The following ADAM23 variants were observed in gnomAD, a reference collection of about 807,000 sequenced individuals.
The protein encoded by ADAM23 is disintegrin and metalloproteinase domain-containing protein 23.
ADAM23 carries 33 observed loss-of-function variants against 120.1 expected under a neutral mutation model. The ratio of observed to expected loss-of-function variants is 0.27; its 90% CI spans 0.21 to 0.37. ADAM23 has a LOEUF of 0.37. Ranked by LOEUF, ADAM23 falls within the 10% of genes least tolerant of loss-of-function variation. The probability of loss-of-function intolerance (pLI) is 1.00; values close to 1 mark genes in which losing one functional copy is unlikely to be tolerated. For missense variants in ADAM23, 862 were observed against 1,058.2 expected (o/e 0.81, Z 2.57); for synonymous variants, 367 against 375.2 (o/e 0.98, Z 0.25).
intron 18 of ADAM23, among the ~76,000 whole-genome samples, chr2:206,579,705 A>T (rs1276730405): frequency 6.6e-6 from 1 of 152,120 alleles, no homozygotes; most frequent in Non-Finnish European, 1.5e-5. Context: ...TGCTTTGGCT[A>T]TGTGGGCTCT....
chr2:206,450,873 G>A (rs566594945), intron 2 of ADAM23, among the ~76,000 whole-genome samples: 1 of 152,152 alleles, frequency 6.6e-6, no homozygotes, highest in Non-Finnish European at 1.5e-5. Context: ...TGAATCAGGC[G>A]CTGTGCTAGA....
intron 3 of ADAM23, among the ~76,000 whole-genome samples, chr2:206,489,693 G>T (rs1387569152): frequency 1.3e-5 from 2 of 152,134 alleles, no homozygotes; most frequent in African/African-American, 4.8e-5. Context: ...TAACATGCGG[G>T]CTGGCGAGAT....
At chr2:206,613,843 C>T (rs1214614818) in intron 25 of ADAM23, among the ~76,000 whole-genome samples, 2 of 152,176 alleles carry the variant, frequency 1.3e-5, no homozygotes, top group Non-Finnish European at 2.9e-5. Flanking sequence ...TGCTATTTAT[C>T]TGATATTCCC....
At chr2:206,531,175 C>A (rs1024858771) in intron 4 of ADAM23, among the ~76,000 whole-genome samples, 3 of 152,100 alleles carry the variant, frequency 2.0e-5, no homozygotes, top group African/African-American at 7.2e-5. Context: ...CATGCAGTAC[C>A]TTTTGTGATA....
intron 4 of ADAM23, among the ~76,000 whole-genome samples, chr2:206,534,488 T>C (rs1478584740): frequency 6.6e-6 from 1 of 152,100 alleles, no homozygotes; most frequent in Non-Finnish European, 1.5e-5. Flanking sequence ...TATCTTTTTT[T>C]TTTTTGTAGT....
chr2:206,461,397 A>T (rs1217087632), intron 2 of ADAM23, among the ~76,000 whole-genome samples: 1 of 151,990 alleles, frequency 6.6e-6, no homozygotes, highest in Non-Finnish European at 1.5e-5. Flanking sequence ...TGCATATTTT[A>T]TCTCATAAGT....
chr2:206,485,573 AG>A (rs2105881316), intron 3 of ADAM23, among the ~76,000 whole-genome samples: 1 of 151,970 alleles, frequency 6.6e-6, no homozygotes, highest in Admixed American at 6.5e-5. Context: ...GGAGTTCCTG[AG>A]AGGAGAGCCT....
At position 206,596,025 on chromosome 2, in the gene ADAM23, C is replaced by T. The variant is rs559851944; in HGVS notation, c.2248-26C>T. The T allele has an allele frequency of 3.2e-6, 5 of 1,551,012 alleles. No individual in the cohort carries two copies. In the South Asian group the frequency reaches 5.6e-5, roughly 17 times the overall value. ...TATTCTACAAAATACAGTGAAAATG[C>T]CATATCTGTTCCTTTTTCTTCACAG... On this transcript the variant is annotated intron_variant, in intron 23 of 25. Coordinates refer to ENST00000264377, the MANE Select transcript of ADAM23 (RefSeq NM_003812.4).
chr2:206,453,738 A>G lies in ADAM23; in HGVS notation c.432+8214A>G, dbSNP rs146688631. ...AGTTTGAATAAAACTTTTGCTTTCTATAAGTGACATGAGAGGTTCATTCTC... is the reference window on the plus strand; with the variant it reads ...AGTTTGAATAAAACTTTTGCTTTCTGTAAGTGACATGAGAGGTTCATTCTC... On this transcript the variant is annotated intron_variant, in intron 2 of 25. Coordinates refer to ENST00000264377, the MANE Select transcript of ADAM23 (RefSeq NM_003812.4). 2.0e-3 allele frequency among the ~76,000 whole-genome samples: 303 copies of G among 152,382 alleles called. 1 individual carries two copies. Among genetic ancestry groups the G allele is most frequent in the Non-Finnish European group, 3.2e-3 (216 of 68,036 alleles).
chr2:206,563,401 G>T (rs1365833267), intron 13 of ADAM23, among the ~76,000 whole-genome samples: 1 of 152,016 alleles, frequency 6.6e-6, no homozygotes, highest in East Asian at 1.9e-4. Context: ...CCCTTTATGG[G>T]TACATTAAGA....
intron 2 of ADAM23, among the ~76,000 whole-genome samples, chr2:206,466,345 G>A (rs755696114): frequency 2.0e-5 from 3 of 152,138 alleles, no homozygotes; most frequent in Admixed American, 6.5e-5. Flanking sequence ...TTCTTTTTGG[G>A]AAGTTTATAG....
chr2:206,539,198 A>G (rs1574521143), intron 4 of ADAM23, among the ~76,000 whole-genome samples: 2 of 152,204 alleles, frequency 1.3e-5, no homozygotes, highest in East Asian at 3.8e-4. Flanking sequence ...GGTAGGGAGC[A>G]TACTAGGATT....
rs1307481737 is a variant in ADAM23 at position 206,459,080 on chromosome 2, G to T, written c.432+13556G>T. On this transcript the variant is annotated intron_variant, in intron 2 of 25. Coordinates refer to ENST00000264377, the MANE Select transcript of ADAM23 (RefSeq NM_003812.4). The stretch of plus-strand genomic sequence containing the variant: ...GATTCCCCTCTTCTTATAAATTATG[G>T]CTAAAATTATGAGAGTTAGTAAACT... Among the ~76,000 whole-genome samples, 6 of 152,252 alleles carry T rather than the reference G, an allele frequency of 3.9e-5. No homozygotes were observed. The East Asian group carries it at 1.2e-3, about 29-fold the overall frequency.
intron 4 of ADAM23, among the ~76,000 whole-genome samples, chr2:206,538,437 C>T (rs768588079): frequency 3.6e-4 from 55 of 152,120 alleles, no homozygotes; most frequent in Admixed American, 2.9e-3. Flanking sequence ...ATAGAATAAT[C>T]ATTTGAGTAT....
intron 11 of ADAM23, among the ~76,000 whole-genome samples, 192 bp from the exon 12 acceptor site, chr2:206,560,936 A>G (rs1178741425): frequency 2.6e-5 from 4 of 152,210 alleles, no homozygotes; most frequent in South Asian, 4.1e-4. Context: ...TGCTTGCTCA[A>G]TTGAAATTAC....
At chr2:206,609,807 T>G (rs1238008597) in intron 24 of ADAM23, 103 bp from the exon 25 acceptor site, 2 of 895,130 alleles carry the variant, frequency 2.2e-6, no homozygotes, top group African/African-American at 3.6e-5. Context: ...TAGCCGTCTT[T>G]TACACAGGAT....
At chr2:206,541,908 A>C in intron 4 of ADAM23, 144 bp from the exon 5 acceptor site, 1 of 771,246 alleles carries the variant, frequency 1.3e-6, no homozygotes, top group Non-Finnish European at 2.1e-6. Flanking sequence ...TCTTATTTGC[A>C]ACTTTATATA....
At chr2:206,560,227 T>G (rs1404264629) in intron 11 of ADAM23, 109 bp downstream of exon 11, 10 of 1,156,714 alleles carry the variant, frequency 8.6e-6, no homozygotes, top group Non-Finnish European at 1.2e-5. Flanking sequence ...TGAACAAGAT[T>G]TCTGTGGGTT....
chr2:206,449,090 G>A (rs559209164), intron 2 of ADAM23, among the ~76,000 whole-genome samples: 1 of 152,286 alleles, frequency 6.6e-6, no homozygotes, highest in South Asian at 2.1e-4. Flanking sequence ...TTGAATTGGA[G>A]GACATCGAGG....
Sources: allele counts gnomAD v4.1 joint callset (sites outside exome capture counted in the v4.1 genomes callset), GRCh38; gene constraint gnomAD v4.1.1; transcripts MANE v1.5; gene names NCBI Gene and HGNC (gene_info 2026-07-23, HGNC 2026-07-21).